The following ANKRD28 variants were observed in gnomAD, a reference collection of about 807,000 sequenced individuals.
ANKRD28 encodes the protein ankyrin repeat domain 28.
ANKRD28 carries 44 observed loss-of-function variants against 126.5 expected under a neutral mutation model. The ratio of observed to expected loss-of-function variants is 0.35; its 90% CI spans 0.27 to 0.45. The LOEUF is 0.45. Ranked by LOEUF, ANKRD28 falls within the 20% of genes least tolerant of loss-of-function variation. ANKRD28 has a pLI of 1.00. For synonymous variants in ANKRD28, 442 were observed against 468.5 expected, an observed-to-expected ratio of 0.94 and a Z score of 0.73; for missense variants, 1,110 against 1,316.6, an observed-to-expected ratio of 0.84 and a Z score of 2.43.
At position 15,789,641 on chromosome 3, in the gene ANKRD28, A is replaced by G. The variant is rs187834291; in HGVS notation, c.201+5582T>C. ...ACCATGCTCTAGATTAAATTATTAC[A>G]CAAGCAAAAAACCTCTATTTATTCA... On this transcript the variant is annotated intron_variant, in intron 2 of 27. Coordinates refer to ENST00000683139, the MANE Select transcript of ANKRD28 (RefSeq NM_001349278.2). 4.3e-3 allele frequency among the ~76,000 whole-genome samples: 660 copies of G among 152,104 alleles called. 7 individuals carry two copies. Among genetic ancestry groups the G allele is most frequent in the African/African-American group, 0.014 (585 of 41,510 alleles).
chr3:15,727,564 C>CAAAAAAAAAAA (rs59584114), intron 6 of ANKRD28, among the ~76,000 whole-genome samples: 26 of 65,946 alleles, frequency 3.9e-4, no homozygotes, highest in East Asian at 2.2e-3. Flanking sequence ...GAAACTCTGT[C>CAAAAAAAAAAA]AAAAAAAAAA....
chr3:15,745,778 T>C (rs2057436192), intron 4 of ANKRD28, among the ~76,000 whole-genome samples: 2 of 152,210 alleles, frequency 1.3e-5, no homozygotes, highest in African/African-American at 4.8e-5. Context: ...AGAAATGCAC[T>C]GAATTTGTAG....
Position 15,843,573 on chromosome 3 carries a change from T to C in ANKRD28, c.27+15804A>G, listed in dbSNP as rs770895198. On this transcript the variant is annotated intron_variant, in intron 1 of 27. Coordinates refer to the ANKRD28 transcript ENST00000399451. The surrounding 1 kb of genome is among the most constrained non-coding windows in gnomAD (Gnocchi z 5.2). Reference sequence around the variant, plus strand: ...AGAATTAGGAGTACAGCAGAATAGTTTGAGCCAAAAATAAGGGAAAAAAAA... The same window carrying C: ...AGAATTAGGAGTACAGCAGAATAGTCTGAGCCAAAAATAAGGGAAAAAAAA... Among the ~76,000 whole-genome samples, 11 of 151,740 alleles carry C rather than the reference T, an allele frequency of 7.2e-5. No homozygotes were observed. Among genetic ancestry groups the C allele is most frequent in the Non-Finnish European group, 1.3e-4 (9 of 67,954 alleles).
At chr3:15,779,374 A>ACCAAAT (rs1344524454) in intron 2 of ANKRD28, among the ~76,000 whole-genome samples, 1 of 152,230 alleles carries the variant, frequency 6.6e-6, no homozygotes, top group African/African-American at 2.4e-5. Context: ...AAACCAACAT[A>ACCAAAT]CCAAATATTA....
intron 1 of ANKRD28, among the ~76,000 whole-genome samples, chr3:15,823,343 C>T (rs578191177): frequency 7.9e-4 from 120 of 152,248 alleles, no homozygotes; most frequent in African/African-American, 2.7e-3. Flanking sequence ...CCTAATGGGC[C>T]GTGGACCATC....
chr3:15,701,936 C>T (rs945872324), intron 14 of ANKRD28, among the ~76,000 whole-genome samples: 1 of 151,942 alleles, frequency 6.6e-6, no homozygotes, highest in African/African-American at 2.4e-5. Context: ...TACCCAAGGG[C>T]ATTTAAAAAA....
At chr3:15,789,823 T>C (rs2059944894) in intron 2 of ANKRD28, among the ~76,000 whole-genome samples, 1 of 151,914 alleles carries the variant, frequency 6.6e-6, no homozygotes, top group Non-Finnish European at 1.5e-5. Flanking sequence ...AAAAATCTAT[T>C]AGGGAAACAA....
At chr3:15,670,687 C>T (rs901728681) in intron 27 of ANKRD28, 131 bp from the exon 28 acceptor site, 6 of 966,292 alleles carry the variant, frequency 6.2e-6, no homozygotes, top group Non-Finnish European at 6.0e-6. Flanking sequence ...ATTGCTGTAA[C>T]CAGCATGATT....
intron 8 of ANKRD28, among the ~76,000 whole-genome samples, chr3:15,719,650 C>G (rs957920240): frequency 3.3e-5 from 5 of 152,068 alleles, no homozygotes; most frequent in African/African-American, 1.2e-4. Context: ...TTCACTGTAA[C>G]TTTGAACTTC....
intron 1 of ANKRD28, among the ~76,000 whole-genome samples, chr3:15,824,195 G>T (rs1405949191): frequency 6.6e-6 from 1 of 152,146 alleles, no homozygotes; most frequent in African/African-American, 2.4e-5. Context: ...TTGAGATTGG[G>T]TCTCATTCTG....
intron 2 of ANKRD28, among the ~76,000 whole-genome samples, chr3:15,786,244 A>G (rs2059773655): frequency 6.6e-6 from 1 of 152,110 alleles, no homozygotes; most frequent in African/African-American, 2.4e-5. Flanking sequence ...TCTAATGGGA[A>G]ATGTTGATAA....
chr3:15,729,861 G>T (rs981746031), intron 6 of ANKRD28, among the ~76,000 whole-genome samples: 1 of 152,108 alleles, frequency 6.6e-6, no homozygotes. Flanking sequence ...AAGAAATAAT[G>T]CAATGAGGTG....
intron 1 of ANKRD28, among the ~76,000 whole-genome samples, chr3:15,840,342 C>G (rs993463530): frequency 2.0e-5 from 3 of 152,006 alleles, no homozygotes; most frequent in African/African-American, 4.8e-5. Context: ...AATGAAAGAC[C>G]TCTACAATGA....
chr3:15,814,816 C>T lies in ANKRD28; in HGVS notation c.28-19510G>A, dbSNP rs1303323605. 6.6e-6 allele frequency among the ~76,000 whole-genome samples: 1 copy of T among 151,370 alleles called. No homozygotes were observed. The highest frequency in any genetic ancestry group is 1.5e-5 in the Non-Finnish European group (1 of 67,846). On this transcript the variant is annotated intron_variant, in intron 1 of 27. Transcript: ENST00000399451. This position sits in a 1 kb window ranked among gnomAD's most constrained non-coding sequence, Gnocchi z 4.7. Reference sequence around the variant, plus strand: ...GTAGAACATACTCATTTCAGTAATACATAAATTTAAGAAATCACTGCAATA... The same window carrying T: ...GTAGAACATACTCATTTCAGTAATATATAAATTTAAGAAATCACTGCAATA...
At chr3:15,753,666 GC>G (rs751179720) in intron 3 of ANKRD28, among the ~76,000 whole-genome samples, 1 of 152,070 alleles carries the variant, frequency 6.6e-6, no homozygotes, top group Non-Finnish European at 1.5e-5. Flanking sequence ...GAATAGAAGG[GC>G]ACAGGGGCTC....
chr3:15,738,923 T>A (rs1034502226), intron 4 of ANKRD28: 1 of 152,210 alleles, frequency 6.6e-6, no homozygotes, highest in East Asian at 1.9e-4. Context: ...CCCCTAGGAA[T>A]GCATTCTCTT....
At chr3:15,742,322 A>G (rs2057105031) in intron 4 of ANKRD28, among the ~76,000 whole-genome samples, 1 of 148,380 alleles carries the variant, frequency 6.7e-6, no homozygotes, top group African/African-American at 2.5e-5. Flanking sequence ...CATCCCATCT[A>G]GGAAGTGAGG....
chr3:15,732,442 G>C (rs2074706024), intron 6 of ANKRD28: 1 of 152,296 alleles, frequency 6.6e-6, no homozygotes, highest in Non-Finnish European at 1.5e-5. Context: ...AGGGGAGCTG[G>C]TAAGACCATG....
intron 2 of ANKRD28, among the ~76,000 whole-genome samples, chr3:15,777,380 C>T (rs1046338553): frequency 6.6e-6 from 1 of 152,008 alleles, no homozygotes; most frequent in Non-Finnish European, 1.5e-5. Context: ...TTTGGTTCTA[C>T]ACGGAATCAG....
Sources: gnomAD v4.1 joint callset for allele counts (sites outside exome capture counted in the v4.1 genomes callset) on GRCh38, gnomAD v4.1.1 for gene constraint, Gnocchi (gnomAD v3.1) non-coding constraint, MANE v1.5 for transcripts, NCBI Gene and HGNC (gene_info 2026-07-23, HGNC 2026-07-21) for gene names.